The following ERP44 variants were observed in gnomAD, a reference collection of about 807,000 sequenced individuals.
The protein encoded by ERP44 is endoplasmic reticulum protein 44.
Under a neutral mutation model 53.4 loss-of-function variants are expected in ERP44, and 25 were observed. That is an observed-to-expected ratio of 0.47 (90% CI 0.34 to 0.65). The LOEUF is 0.65. Ranked by LOEUF, ERP44 falls within the 30% of genes least tolerant of loss-of-function variation. ERP44 has a pLI of 0.01. For synonymous variants in ERP44, 145 were observed against 161.2 expected (o/e 0.90, Z 0.76); for missense variants, 338 against 493.2 (o/e 0.69, Z 2.98).
chr9:100,082,967 TTCTAATTA>T (rs1314209195), intron 1 of ERP44, among the ~76,000 whole-genome samples: 1 of 152,044 alleles, frequency 6.6e-6, no homozygotes, highest in African/African-American at 2.4e-5. Flanking sequence ...GAGAAGGAAT[TTCTAATTA>T]TGAATCATAA....
chr9:100,083,027 C>T (rs937743662), intron 1 of ERP44, among the ~76,000 whole-genome samples: 1 of 151,746 alleles, frequency 6.6e-6, no homozygotes, highest in Non-Finnish European at 1.5e-5. Flanking sequence ...AACACAAGCA[C>T]ACTTACTACA....
chr9:99,986,593 T>G (rs1205738148), intron 10 of ERP44, among the ~76,000 whole-genome samples: 1 of 152,210 alleles, frequency 6.6e-6, no homozygotes, highest in Admixed American at 6.5e-5. Context: ...CAGTTTCTTT[T>G]ACTTTTTATC....
At chr9:100,098,529 A>C (rs1224017111) in intron 1 of ERP44, among the ~76,000 whole-genome samples, 1 of 152,166 alleles carries the variant, frequency 6.6e-6, no homozygotes, top group East Asian at 1.9e-4. Context: ...GGAGAAGGGG[A>C]AGCTCCTACG....
intron 10 of ERP44, chr9:99,999,005 C>T (rs1274037529): frequency 4.4e-6 from 5 of 1,125,528 alleles, no homozygotes; most frequent in South Asian, 1.3e-5. Flanking sequence ...TGGAAGTAGT[C>T]GTGCGTGGGC....
chr9:100,090,142 A>G (rs546329184), intron 1 of ERP44, among the ~76,000 whole-genome samples: 2 of 152,354 alleles, frequency 1.3e-5, no homozygotes, highest in South Asian at 2.1e-4. Context: ...CTGTTTTCTA[A>G]GAAATTATTT....
At chr9:100,084,172 G>T (rs1463594555) in intron 1 of ERP44, among the ~76,000 whole-genome samples, 1 of 152,184 alleles carries the variant, frequency 6.6e-6, no homozygotes, top group African/African-American at 2.4e-5. Flanking sequence ...ATACATCACA[G>T]TCACTTAAAA....
In ERP44 at chr9:100,069,240, T is replaced by G. The variant is rs533653002; in HGVS notation, c.58-9068A>C. Among the ~76,000 whole-genome samples the G allele has an allele frequency of 3.4e-4, 51 of 149,516 alleles. No individual in the cohort carries two copies. In the South Asian group the frequency reaches 0.011, roughly 31 times the overall value. On this transcript the variant is annotated intron_variant, in intron 1 of 11. Coordinates refer to ENST00000262455, the MANE Select transcript of ERP44 (RefSeq NM_015051.3). ...TGACCCTCCCTCCATTATTGTCCTATGACCCTGCCAAATCCCCCTCTGCGA... is the reference window on the plus strand; with the variant it reads ...TGACCCTCCCTCCATTATTGTCCTAGGACCCTGCCAAATCCCCCTCTGCGA...
At chr9:100,067,435 C>T (rs1826226726) in intron 1 of ERP44, among the ~76,000 whole-genome samples, 2 of 152,344 alleles carry the variant, frequency 1.3e-5, no homozygotes, top group South Asian at 2.1e-4. Context: ...GCGAGTGATC[C>T]GCCAGCCTCG....
chr9:100,068,020 G>T (rs1826243173), intron 1 of ERP44, among the ~76,000 whole-genome samples: 1 of 149,642 alleles, frequency 6.7e-6, no homozygotes, highest in African/African-American at 2.5e-5. Flanking sequence ...CCCCGTCCGG[G>T]AGGGAGGTGG....
In ERP44 at chr9:99,979,835, C is replaced by T. The variant is rs1183482939; in HGVS notation, c.*2777G>A. 2.5e-6 allele frequency: 1 copy of T among 397,030 alleles called. No homozygotes were observed. Among genetic ancestry groups the T allele is most frequent in the African/African-American group, 2.1e-5 (1 of 48,598 alleles). 24.6% of individuals were successfully genotyped at this position (397,030 alleles called of 1,614,324 possible). A position where few individuals can be genotyped will look rare whatever the true frequency, so the allele number is the denominator to read the frequency against. On this transcript the variant is annotated 3_prime_UTR_variant, in exon 12 of 12. Transcript: ENST00000262455. ...CAAGTCTAAATTTGAGACGTGCTTC[C>T]ACACTATTCTTTCTCAAACTTTAAA...
intron 8 of ERP44, among the ~76,000 whole-genome samples, chr9:100,012,302 A>ATCC (rs1295148342): frequency 6.6e-6 from 1 of 152,218 alleles, no homozygotes. Flanking sequence ...AGAGCCTGAT[A>ATCC]AGTTTATGAT....
At chr9:100,037,733 C>T (rs1172256835) in intron 4 of ERP44, among the ~76,000 whole-genome samples, 1 of 152,292 alleles carries the variant, frequency 6.6e-6, no homozygotes, top group Middle Eastern at 3.4e-3. Flanking sequence ...TTTCTAGATA[C>T]ATCCTGGGCT....
Position 100,098,812 on chromosome 9 carries a change from G to A in ERP44, c.29C>T (p.Pro10Leu). The A allele has an allele frequency of 6.2e-7, 1 of 1,613,904 alleles. No homozygotes were observed. The highest frequency in any genetic ancestry group is 8.5e-7 in the Non-Finnish European group (1 of 1,179,858). ...GAGCAGAAGGGAGCATCTGAGGTCG[G>A]GTAAGGATAGGAAGACGGCAGGATG... MHPAVFLSL[P>L]DLRCSLLLLV... Residue 10 changes from proline (P) to leucine (L), a missense_variant, in exon 1 of 12, where the codon CCC (proline) becomes CTC (leucine). Coordinates refer to ENST00000262455, the MANE Select transcript of ERP44 (RefSeq NM_015051.3).
At chr9:100,075,029 T>C (rs1826341140) in intron 1 of ERP44, among the ~76,000 whole-genome samples, 1 of 152,206 alleles carries the variant, frequency 6.6e-6, no homozygotes, top group African/African-American at 2.4e-5. Flanking sequence ...CCATTAGAGC[T>C]GCCTCTACCT....
intron 1 of ERP44, among the ~76,000 whole-genome samples, chr9:100,071,869 T>C (rs925683686): frequency 2.0e-5 from 3 of 152,176 alleles, no homozygotes; most frequent in Non-Finnish European, 4.4e-5. Flanking sequence ...TGCTGTGAGC[T>C]GAGATCACGC....
At chr9:100,091,785 C>G (rs1279630278) in intron 1 of ERP44, among the ~76,000 whole-genome samples, 1 of 152,154 alleles carries the variant, frequency 6.6e-6, no homozygotes, top group African/African-American at 2.4e-5. Flanking sequence ...TATGAATCAT[C>G]TGGGTATAAG....
intron 1 of ERP44, among the ~76,000 whole-genome samples, chr9:100,078,796 CATTTT>C (rs1369842497): frequency 3.3e-5 from 5 of 152,000 alleles, no homozygotes; most frequent in African/African-American, 1.2e-4. Context: ...AAAATATCTT[CATTTT>C]ATTTATCACG....
At chr9:100,029,561 G>A (rs1029614069) in intron 4 of ERP44, among the ~76,000 whole-genome samples, 1 of 152,170 alleles carries the variant, frequency 6.6e-6, no homozygotes, top group Non-Finnish European at 1.5e-5. Context: ...ACATTCACAT[G>A]TTGTTGATGA....
At chr9:100,022,403 C>T (rs1297908987) in intron 4 of ERP44, among the ~76,000 whole-genome samples, 177 bp from the exon 5 acceptor site, 1 of 152,094 alleles carries the variant, frequency 6.6e-6, no homozygotes, top group Non-Finnish European at 1.5e-5. Context: ...ATTTAAGAGA[C>T]CAGGTTCTGG....
Sources: allele counts gnomAD v4.1 joint callset (sites outside exome capture counted in the v4.1 genomes callset), GRCh38; gene constraint gnomAD v4.1.1; transcripts MANE v1.5; gene names NCBI Gene and HGNC (gene_info 2026-07-23, HGNC 2026-07-21).